NBEA: variants seen among roughly 807,000 people sequenced by gnomAD.
The protein encoded by NBEA is neurobeachin, also known as lysosomal-trafficking regulator 2.
In NBEA, 44 loss-of-function variants were observed where a neutral mutation model predicts 343.4. That is an observed-to-expected ratio of 0.13 (90% CI 0.10 to 0.16). The LOEUF (loss-of-function observed/expected upper bound fraction) is 0.16, where lower values mean the gene tolerates loss of function less well. Ranked by LOEUF, NBEA falls within the 10% of genes least tolerant of loss-of-function variation. The pLI, the probability that NBEA is intolerant of heterozygous loss-of-function variation, is 1.00. For missense variants in NBEA, 2,555 were observed against 3,631.3 expected (o/e 0.70, Z 7.62); for synonymous variants, 1,175 against 1,238.7 (o/e 0.95, Z 1.08).
intron 42 of NBEA, 29 bp downstream of exon 42, chr13:35,550,623 A>G (rs750970276): frequency 5.8e-6 from 8 of 1,368,744 alleles, no homozygotes; most frequent in Non-Finnish European, 8.3e-6. Context: ...TTGAAAGAAA[A>G]TGTGCTCATA....
intron 35 of NBEA, among the ~76,000 whole-genome samples, chr13:35,297,106 C>T (rs954164383): frequency 2.6e-5 from 4 of 151,884 alleles, no homozygotes; most frequent in Non-Finnish European, 5.9e-5. Context: ...AGACATTATT[C>T]AGCATTCTCT....
intron 36 of NBEA, among the ~76,000 whole-genome samples, chr13:35,331,605 T>G (rs117915511): frequency 0.03 from 4,524 of 152,116 alleles, 102 homozygotes; most frequent in Non-Finnish European, 0.045. Flanking sequence ...GATCTCACAG[T>G]CTGAGGTCAA....
chr13:35,062,313 A>G (rs1285084574), intron 8 of NBEA, among the ~76,000 whole-genome samples: 1 of 151,700 alleles, frequency 6.6e-6, no homozygotes, highest in Non-Finnish European at 1.5e-5. Context: ...ATTGATAGAA[A>G]CTTTGAAGAG....
chr13:35,054,193 T>G (rs2063163149), intron 6 of NBEA, among the ~76,000 whole-genome samples: 1 of 152,174 alleles, frequency 6.6e-6, no homozygotes, highest in Non-Finnish European at 1.5e-5. Flanking sequence ...CACATTTTAT[T>G]CCACAATATA....
chr13:35,076,120 G>C (rs2064105114), intron 10 of NBEA, among the ~76,000 whole-genome samples: 1 of 151,718 alleles, frequency 6.6e-6, no homozygotes, highest in East Asian at 1.9e-4. Flanking sequence ...TATTAATTTA[G>C]TTTCCAAAAA....
intron 18 of NBEA, 35 bp downstream of exon 18, chr13:35,142,412 T>C: frequency 2.0e-6 from 3 of 1,493,356 alleles, no homozygotes; most frequent in South Asian, 2.3e-5. Context: ...AAGTTTTAAG[T>C]GTATACAGTG....
At position 35,190,478 on chromosome 13, in the gene NBEA, G is replaced by C. The variant is rs1045843851; in HGVS notation, c.4928-5386G>C. 3.9e-5 allele frequency among the ~76,000 whole-genome samples: 6 copies of C among 151,952 alleles called. No individual in the cohort carries two copies. In the East Asian group the frequency reaches 7.7e-4, roughly 20 times the overall value. On this transcript the variant is annotated intron_variant, in intron 30 of 58. Coordinates refer to ENST00000379939, the MANE Select transcript of NBEA (RefSeq NM_001385012.1). ...AAGCATACCCAAACACACACACACA[G>C]AGCCTGTGGCAAAGGGTGGAACATT...
intron 24 of NBEA, 26 bp downstream of exon 24, chr13:35,164,535 G>A: frequency 6.3e-7 from 1 of 1,596,358 alleles, no homozygotes. Context: ...CCATCTAGTG[G>A]TTATATTTTA....
At chr13:35,245,530 T>C (rs1403333233) in intron 34 of NBEA, among the ~76,000 whole-genome samples, 1 of 152,216 alleles carries the variant, frequency 6.6e-6, no homozygotes, top group Non-Finnish European at 1.5e-5. Context: ...AGTGTATCTT[T>C]CATTCATTTA....
At position 35,171,339 on chromosome 13, in the gene NBEA, G is replaced by A. The variant is rs1211170248; in HGVS notation, c.4310G>A (p.Arg1437Gln). 5.6e-6 allele frequency: 9 copies of A among 1,612,236 alleles called. No individual in the cohort carries two copies. Among genetic ancestry groups the A allele is most frequent in the African/African-American group, 1.3e-5 (1 of 74,852 alleles). Residue 1437 changes from arginine to glutamine, a missense_variant, in exon 26 of 59, where the codon CGG becomes CAG. Arg to Gln is a conservative substitution (Grantham distance 43). This residue lies in a region of NBEA where 168 missense variants were observed against 193.0 expected (regional missense o/e 0.87). Coordinates refer to ENST00000379939, the MANE Select transcript of NBEA (RefSeq NM_001385012.1). ...GAGACAGCAGTAACTTTCCTCAGCCGGCTGATGGCTATGGTTGATGTACTT... is the reference window on the plus strand; with the variant it reads ...GAGACAGCAGTAACTTTCCTCAGCCAGCTGATGGCTATGGTTGATGTACTT... ...SAETAVTFLS[R>Q]LMAMVDVLVF...
intron 51 of NBEA, among the ~76,000 whole-genome samples, chr13:35,646,617 A>G (rs2084247562): frequency 6.6e-5 from 10 of 152,212 alleles, no homozygotes; most frequent in Admixed American, 6.5e-4. Context: ...ATTCATGCAC[A>G]CACAGGCATA....
chr13:35,368,164 A>G (rs536109955), intron 38 of NBEA, among the ~76,000 whole-genome samples: 2 of 151,682 alleles, frequency 1.3e-5, no homozygotes, highest in South Asian at 2.1e-4. Context: ...ATCAATTACT[A>G]CTATGTAATT....
chr13:35,148,832 T>TA (rs1273851237), intron 18 of NBEA, among the ~76,000 whole-genome samples: 1 of 152,314 alleles, frequency 6.6e-6, no homozygotes, highest in East Asian at 1.9e-4. Context: ...AAATCTGTTG[T>TA]AGCTCAGAAG....
intron 1 of NBEA, among the ~76,000 whole-genome samples, chr13:34,988,611 G>A (rs1256864772): frequency 6.6e-6 from 1 of 151,130 alleles, no homozygotes; most frequent in East Asian, 1.9e-4. Context: ...CCAGACATGG[G>A]ATATAATCTC....
chr13:34,978,223 A>G (rs558545032), intron 1 of NBEA, among the ~76,000 whole-genome samples: 3 of 152,368 alleles, frequency 2.0e-5, no homozygotes, highest in Admixed American at 6.5e-5. Context: ...TAAGTCAGCT[A>G]TAATTATTAA....
intron 38 of NBEA, among the ~76,000 whole-genome samples, chr13:35,362,284 T>G (rs1252340355): frequency 6.6e-6 from 1 of 151,966 alleles, no homozygotes; most frequent in Admixed American, 6.6e-5. Flanking sequence ...TAAATTGGAT[T>G]AGCTTTCTCT....
chr13:35,550,254 G>A (rs926664609), intron 41 of NBEA, among the ~76,000 whole-genome samples: 2 of 152,146 alleles, frequency 1.3e-5, no homozygotes, highest in Admixed American at 6.6e-5. Context: ...AAGTCACAGA[G>A]TCTCCTTGAA....
intron 40 of NBEA, among the ~76,000 whole-genome samples, chr13:35,458,253 G>A (rs9530610): frequency 0.81 from 123,836 of 152,098 alleles, 53,412 homozygotes; most frequent in East Asian, 0.96. Flanking sequence ...TATTATAGCC[G>A]CCCCACCACA....
intron 34 of NBEA, among the ~76,000 whole-genome samples, chr13:35,274,132 G>T (rs1334810395): frequency 1.3e-5 from 2 of 152,128 alleles, no homozygotes; most frequent in African/African-American, 4.8e-5. Flanking sequence ...CTGGCCTACT[G>T]AATCCAGCAG....
Sources: gnomAD v4.1 joint callset for allele counts (sites outside exome capture counted in the v4.1 genomes callset) on GRCh38, gnomAD v4.1.1 for gene constraint, gnomAD v4.1.1 regional missense constraint, MANE v1.5 for transcripts, NCBI Gene and HGNC (gene_info 2026-07-23, HGNC 2026-07-21) for gene names.